The following OXR1 variants were observed in gnomAD, a reference collection of about 807,000 sequenced individuals.
OXR1 encodes oxidation resistance 1.
In OXR1, 41 loss-of-function variants were observed where a neutral mutation model predicts 104.6. That is an observed-to-expected ratio of 0.39 (90% CI 0.31 to 0.51). The LOEUF is 0.51. OXR1 is among the 20% of genes least tolerant of loss of function. The probability of loss-of-function intolerance (pLI) is 0.77; values close to 1 mark genes in which losing one functional copy is unlikely to be tolerated. For missense variants in OXR1, 955 were observed against 1,031.9 expected, an observed-to-expected ratio of 0.93 and a Z score of 1.02; for synonymous variants, 348 against 348.4, an observed-to-expected ratio of 1.00 and a Z score of 0.01.
intron 2 of OXR1, among the ~76,000 whole-genome samples, chr8:106,448,657 A>T (rs1045280610): frequency 4.6e-5 from 7 of 152,276 alleles, no homozygotes; most frequent in Admixed American, 4.6e-4. Flanking sequence ...AAAAATAATT[A>T]TTGGAAATTC....
At chr8:106,316,326 G>A (rs1348201121) in intron 1 of OXR1, among the ~76,000 whole-genome samples, 1 of 152,170 alleles carries the variant, frequency 6.6e-6, no homozygotes, top group East Asian at 1.9e-4. Flanking sequence ...AGTCTCCCAG[G>A]AAGAGCAGTC....
intron 12 of OXR1, among the ~76,000 whole-genome samples, chr8:106,738,678 A>G (rs1244584182): frequency 6.6e-6 from 1 of 151,654 alleles, no homozygotes; most frequent in Admixed American, 6.6e-5. Flanking sequence ...AATAGAATAT[A>G]TTGTGCAGTA....
intron 11 of OXR1, among the ~76,000 whole-genome samples, chr8:106,736,492 G>T (rs1350345760): frequency 1.3e-5 from 2 of 152,150 alleles, no homozygotes; most frequent in African/African-American, 4.8e-5. Flanking sequence ...TGTGGTCAGA[G>T]CCTCTGTGCA....
At chr8:106,272,799 T>G (rs947795857) in intron 1 of OXR1, 3 of 152,220 alleles carry the variant, frequency 2.0e-5, no homozygotes, top group Non-Finnish European at 4.4e-5. Flanking sequence ...GGCTATGATT[T>G]TTTTCAGTCA....
intron 2 of OXR1, among the ~76,000 whole-genome samples, chr8:106,515,333 C>G (rs1280659458): frequency 6.6e-6 from 1 of 152,106 alleles, no homozygotes; most frequent in Non-Finnish European, 1.5e-5. Context: ...TGAAAACCTA[C>G]TCTCAGCAGT....
chr8:106,707,220 G>C, intron 9 of OXR1, 75 bp downstream of exon 9: 1 of 1,416,832 alleles, frequency 7.1e-7, no homozygotes, highest in Non-Finnish European at 9.9e-7. Context: ...TGACTCAAAA[G>C]CCGCTGTACC....
intron 2 of OXR1, among the ~76,000 whole-genome samples, chr8:106,408,698 TG>T (rs1818341243): frequency 6.6e-6 from 1 of 152,160 alleles, no homozygotes; most frequent in Admixed American, 6.6e-5. Flanking sequence ...AAGATGCACG[TG>T]GGTGTAATCG....
chr8:106,450,546 C>T lies in OXR1; in HGVS notation c.24-68397C>T, dbSNP rs532402579. Among the ~76,000 whole-genome samples the T allele has an allele frequency of 1.2e-4, 18 of 152,248 alleles. 1 individual carries two copies. In the South Asian group the frequency reaches 3.7e-3, roughly 32 times the overall value. On this transcript the variant is annotated intron_variant, in intron 2 of 16. Coordinates refer to ENST00000517566, the MANE Select transcript of OXR1 (RefSeq NM_001198533.2). ...GGCAGCTCTGAAATCAACACATTGC[C>T]TAGGACATTCTCCCTAAGAGTCTGC...
At chr8:106,327,664 T>C (rs182809611) in intron 1 of OXR1, among the ~76,000 whole-genome samples, 1 of 152,194 alleles carries the variant, frequency 6.6e-6, no homozygotes, top group African/African-American at 2.4e-5. Context: ...AAAATCTCTT[T>C]TGGTCTGTTT....
intron 3 of OXR1, among the ~76,000 whole-genome samples, chr8:106,649,238 G>A (rs1447003160): frequency 6.6e-6 from 1 of 151,506 alleles, no homozygotes; most frequent in African/African-American, 2.4e-5. Flanking sequence ...CAACAAAATT[G>A]TGGACACAAT....
At position 106,567,837 on chromosome 8, in the gene OXR1, G is replaced by T. The variant is rs149026158; in HGVS notation, c.220+48698G>T. 3.6e-3 allele frequency among the ~76,000 whole-genome samples: 549 copies of T among 152,226 alleles called. 3 individuals carry two copies. Among genetic ancestry groups the T allele is most frequent in the African/African-American group, 0.012 (511 of 41,548 alleles). ...AATTAAAATGTAAATGGAATTCATT[G>T]CATGAAGCGATCTATCTGGATGATA... On this transcript the variant is annotated intron_variant, in intron 3 of 16. Transcript: ENST00000517566.
In OXR1 at chr8:106,318,279, T is replaced by A. The variant is rs372929579; in HGVS notation, c.-138-41197T>A. On this transcript the variant is annotated intron_variant, in intron 1 of 16. Coordinates refer to ENST00000517566, the MANE Select transcript of OXR1 (RefSeq NM_001198533.2). ...CTGCCCTAGAACTGAGTTGTTAAAATCCAAAACAATATGCTTTTTAAAAGC... is the reference window on the plus strand; with the variant it reads ...CTGCCCTAGAACTGAGTTGTTAAAAACCAAAACAATATGCTTTTTAAAAGC... 1.5e-4 allele frequency among the ~76,000 whole-genome samples: 23 copies of A among 152,332 alleles called. No homozygotes were observed. The East Asian group carries it at 3.9e-3, about 26-fold the overall frequency.
rs376921570 is a variant in OXR1 at position 106,672,257 on chromosome 8, C to T, written c.221-6953C>T. ...CTTTGGGAGGCCAAAGTGAGTGGATCGCTTGAGGTCAGGAGTTTGAGACCA... is the reference window on the plus strand; with the variant it reads ...CTTTGGGAGGCCAAAGTGAGTGGATTGCTTGAGGTCAGGAGTTTGAGACCA... On this transcript the variant is annotated intron_variant, in intron 3 of 16. Coordinates refer to ENST00000517566, the MANE Select transcript of OXR1 (RefSeq NM_001198533.2). Among the ~76,000 whole-genome samples, 28 of 150,774 alleles carry T rather than the reference C, an allele frequency of 1.9e-4. No homozygotes were observed. The South Asian group carries it at 2.1e-3, about 11-fold the overall frequency.
intron 3 of OXR1, among the ~76,000 whole-genome samples, chr8:106,556,181 T>C (rs1292810073): frequency 6.6e-6 from 1 of 152,070 alleles, no homozygotes; most frequent in African/African-American, 2.4e-5. Flanking sequence ...ATGGATATGA[T>C]ACTTCCTTTT....
chr8:106,601,897 C>T (rs1003912579), intron 3 of OXR1, among the ~76,000 whole-genome samples: 2 of 152,176 alleles, frequency 1.3e-5, no homozygotes, highest in Non-Finnish European at 2.9e-5. Context: ...TTAAAAGAGG[C>T]TCTAGAGGTC....
chr8:106,490,914 A>G (rs1354408555), intron 2 of OXR1, among the ~76,000 whole-genome samples: 1 of 152,162 alleles, frequency 6.6e-6, no homozygotes, highest in Admixed American at 6.6e-5. Flanking sequence ...TTGGTGAGCC[A>G]ATCTGAGGGA....
At chr8:106,481,199 G>T (rs2444318) in intron 2 of OXR1, among the ~76,000 whole-genome samples, 16,394 of 151,938 alleles carry the variant, frequency 0.11, 966 homozygotes, top group African/African-American at 0.15. Flanking sequence ...TAGTTGGGCC[G>T]TTGTCACACA....
chr8:106,577,273 C>T (rs1293538478), intron 3 of OXR1, among the ~76,000 whole-genome samples: 1 of 148,970 alleles, frequency 6.7e-6, no homozygotes, highest in Non-Finnish European at 1.5e-5. Flanking sequence ...TGCAGTGGTG[C>T]AATCTTGGTT....
chr8:106,398,125 C>G (rs1189144201), intron 2 of OXR1, among the ~76,000 whole-genome samples: 1 of 152,084 alleles, frequency 6.6e-6, no homozygotes, highest in East Asian at 1.9e-4. Context: ...ACCTAATGAA[C>G]TAATTTTAAC....
Sources: allele counts gnomAD v4.1 joint callset (sites outside exome capture counted in the v4.1 genomes callset), GRCh38; gene constraint gnomAD v4.1.1; transcripts MANE v1.5; gene names NCBI Gene and HGNC (gene_info 2026-07-23, HGNC 2026-07-21).